DNAH5: variants seen among roughly 807,000 people sequenced by gnomAD.
DNAH5 encodes axonemal beta dynein heavy chain 5.
DNAH5 carries 372 observed loss-of-function variants against 518.2 expected under a neutral mutation model. The ratio of observed to expected loss-of-function variants is 0.72; its 90% CI spans 0.66 to 0.78. DNAH5 has a LOEUF of 0.78. DNAH5 is among the 30% of genes least tolerant of loss of function. The pLI is 0.00. For synonymous variants in DNAH5, 2,039 were observed against 2,025.9 expected, an observed-to-expected ratio of 1.01 and a Z score of -0.17; for missense variants, 5,523 against 5,687.0, an observed-to-expected ratio of 0.97 and a Z score of 0.93.
At chr5:13,701,240 A>G in intron 77 of DNAH5, 44 bp downstream of exon 77, 1 of 1,613,262 alleles carries the variant, frequency 6.2e-7, no homozygotes, top group Non-Finnish European at 8.5e-7. Flanking sequence ...AATCCTGTGG[A>G]GGAAAATTAT....
rs1355806912 is a variant in DNAH5, at chr5:13,823,269, A to G, written c.6681T>C (p.Ser2227=). The G allele has an allele frequency of 1.2e-6, 2 of 1,600,750 alleles. No homozygotes were observed. Among genetic ancestry groups the G allele is most frequent in the South Asian group, 1.1e-5 (1 of 90,796 alleles). Residue 2227 remains serine, a synonymous_variant, in exon 40 of 79, where the codon AGT becomes AGC. Coordinates refer to ENST00000265104, the MANE Select transcript of DNAH5 (RefSeq NM_001369.3). The part of the protein sequence containing the change: ...AGYPELEAAI[S]RQVEEAGLIN... ...GCCCTGTGAAGCATATTACCTGTCT[A>G]CTAATTGCTGCTTCCAGTTCAGGGT...
chr5:13,956,448 C>T (rs997949190), intron 1 of DNAH5, among the ~76,000 whole-genome samples: 1 of 152,030 alleles, frequency 6.6e-6, no homozygotes, highest in African/African-American at 2.4e-5. Flanking sequence ...TGTTTTTATC[C>T]CCTTGAAGGT....
rs1774422707 is a variant in DNAH5 at position 13,900,246 on chromosome 5, T to C, written c.2219A>G (p.Gln740Arg). 2 of 1,614,046 alleles carry C rather than the reference T, an allele frequency of 1.2e-6. No individual in the cohort carries two copies. The highest frequency in any genetic ancestry group is 1.3e-5 in the African/African-American group (1 of 74,932). Residue 740 changes from glutamine to arginine, a missense_variant, in exon 15 of 79, where the codon CAG (glutamine) becomes CGG (arginine). This residue lies in a region of DNAH5 where 5,121 missense variants were observed against 5,223.3 expected (regional missense o/e 0.98). Coordinates refer to ENST00000265104, the MANE Select transcript of DNAH5 (RefSeq NM_001369.3). ...EVSPLATSLF[Q>R]KRDRYKRNFS... is the part of the protein sequence containing the mutation. Reference sequence around the variant, plus strand: ...GTTCCTTTTGTATCTATCTCGTTTCTGGAAGAGGGAAGTTGCCAGTGGAGA... The same window carrying C: ...GTTCCTTTTGTATCTATCTCGTTTCCGGAAGAGGGAAGTTGCCAGTGGAGA...
intron 61 of DNAH5, among the ~76,000 whole-genome samples, chr5:13,755,563 T>G (rs1393270): frequency 0.11 from 17,205 of 152,230 alleles, 1,037 homozygotes; most frequent in East Asian, 0.23. Flanking sequence ...GAATTGCTTT[T>G]GTAATAATAA....
intron 38 of DNAH5, among the ~76,000 whole-genome samples, chr5:13,825,935 C>T (rs893987069): frequency 1.3e-5 from 2 of 152,134 alleles, no homozygotes; most frequent in African/African-American, 4.8e-5. Flanking sequence ...AGCAGTATGC[C>T]TCACTTAAGA....
chr5:13,762,697 A>C, intron 60 of DNAH5, 25 bp downstream of exon 60: 1 of 1,611,544 alleles, frequency 6.2e-7, no homozygotes, highest in East Asian at 2.2e-5. Flanking sequence ...AGCCACCTTC[A>C]CCCAGGTCTG....
chr5:13,863,764 A>AC (rs1047111352), intron 28 of DNAH5, among the ~76,000 whole-genome samples: 1 of 151,904 alleles, frequency 6.6e-6, no homozygotes, highest in Non-Finnish European at 1.5e-5. Context: ...CAAACGGTCA[A>AC]CCTAACCATG....
At chr5:13,755,253 G>A (rs746349595) in intron 61 of DNAH5, among the ~76,000 whole-genome samples, 3 of 152,100 alleles carry the variant, frequency 2.0e-5, no homozygotes, top group African/African-American at 4.8e-5. Flanking sequence ...ACAAGTCACT[G>A]GGTGTTCAAA....
Position 13,792,012 on chromosome 5 carries a change from C to A in DNAH5, c.8430G>T (p.Glu2810Asp). Reference protein sequence around the residue: ...VWQGMLNTTSEVIKEPNDLLK... With the variant: ...VWQGMLNTTSDVIKEPNDLLK... ...CACTTACATTTGGTTCCTTGATGAC[C>A]TCTGAAGTAGTGTTCAGCATTCCCT... Residue 2810 changes from glutamate to aspartate, a missense_variant, in exon 50 of 79, where the codon GAG becomes GAT. This residue lies in a region of DNAH5 where 5,121 missense variants were observed against 5,223.3 expected (regional missense o/e 0.98). Coordinates refer to ENST00000265104, the MANE Select transcript of DNAH5 (RefSeq NM_001369.3). 6.2e-7 allele frequency: 1 copy of A among 1,613,812 alleles called. No homozygotes were observed. Among genetic ancestry groups the A allele is most frequent in the South Asian group, 1.1e-5 (1 of 91,070 alleles).
chr5:13,763,071 A>T (rs1252183792), intron 59 of DNAH5, among the ~76,000 whole-genome samples, 170 bp from the exon 60 acceptor site: 2 of 152,266 alleles, frequency 1.3e-5, no homozygotes. Context: ...GTAAAAATAC[A>T]GTAAGAAATG....
At chr5:13,860,687 T>A (rs1039573637) in intron 29 of DNAH5, 2 of 152,200 alleles carry the variant, frequency 1.3e-5, no homozygotes, top group Non-Finnish European at 2.9e-5. Flanking sequence ...CTGAACCACC[T>A]ACATTAGGAA....
At position 13,914,105 on chromosome 5, in the gene DNAH5, G is replaced by T. The variant is rs374838895; in HGVS notation, c.1321-147C>A. 3.3e-3 allele frequency: 3,326 copies of T among 996,050 alleles called. 39 individuals carry two copies. Among genetic ancestry groups the T allele is most frequent in the South Asian group, 0.022 (1,345 of 60,432 alleles). The allele number at this position is 996,050 out of a possible 1,614,324, so 61.7% of individuals were successfully genotyped here. A position where few individuals can be genotyped will look rare whatever the true frequency, so the allele number is the denominator to read the frequency against. ...TTGCTTGTACTCACTCATCAGCCTG[G>T]AAAATCATCTTTTCACCTCCTCTAA... On this transcript the variant is annotated intron_variant, in intron 10 of 78. Transcript: ENST00000265104.
intron 35 of DNAH5, among the ~76,000 whole-genome samples, chr5:13,838,461 C>T (rs1185754539): frequency 6.6e-6 from 1 of 152,128 alleles, no homozygotes; most frequent in Non-Finnish European, 1.5e-5. Context: ...CTCATAGGAG[C>T]ACAACCTTTA....
intron 12 of DNAH5, among the ~76,000 whole-genome samples, chr5:13,908,739 T>C (rs1775648393): frequency 1.3e-5 from 2 of 152,190 alleles, no homozygotes; most frequent in African/African-American, 4.8e-5. Flanking sequence ...CTCTTTGACC[T>C]GTTAGTACCA....
intron 1 of DNAH5, among the ~76,000 whole-genome samples, chr5:14,008,150 C>A (rs1270381662): frequency 1.5e-5 from 2 of 137,072 alleles, no homozygotes; most frequent in Non-Finnish European, 3.0e-5. Context: ...CCAGCCTGGG[C>A]GATAGAGCGA....
At chr5:13,946,062 T>C (rs1406627666), upstream of DNAH5, among the ~76,000 whole-genome samples, 2 of 152,180 alleles carry the variant, frequency 1.3e-5, no homozygotes, top group Non-Finnish European at 2.9e-5. Flanking sequence ...CCTCCTCACA[T>C]GGCATCTCCT....
At chr5:13,976,212 G>A (rs963339103) in intron 1 of DNAH5, among the ~76,000 whole-genome samples, 60 of 152,138 alleles carry the variant, frequency 3.9e-4, no homozygotes, top group African/African-American at 1.4e-3. Context: ...TAAGCCATAT[G>A]GGCTTTTTAT....
At chr5:13,854,631 T>C (rs1767355911) in intron 30 of DNAH5, among the ~76,000 whole-genome samples, 1 of 152,130 alleles carries the variant, frequency 6.6e-6, no homozygotes, top group African/African-American at 2.4e-5. Flanking sequence ...CCATCTCACG[T>C]GCAAAGACAC....
Position 13,876,734 on chromosome 5 carries a change from T to A in DNAH5, c.3346A>T (p.Ile1116Phe). Residue 1116 changes from isoleucine (I) to phenylalanine (F), a missense_variant, in exon 22 of 79, where the codon ATT (isoleucine) becomes TTT (phenylalanine). Coordinates refer to ENST00000265104, the MANE Select transcript of DNAH5 (RefSeq NM_001369.3). The stretch of plus-strand genomic sequence containing the variant: ...CTAAGCACAGAAACTAATTTTACAA[T>A]CTCTTTGTTTTCAGAAACATTCTTA... ...YYKNVSENKE[I>F]VKLVSVLSTI... 1 of 1,613,950 alleles carries A rather than the reference T, an allele frequency of 6.2e-7. No homozygotes were observed. The highest frequency in any genetic ancestry group is 1.7e-5 in the Admixed American group (1 of 59,970).
Sources: allele counts gnomAD v4.1 joint callset (sites outside exome capture counted in the v4.1 genomes callset), GRCh38; gene constraint gnomAD v4.1.1; regional missense constraint gnomAD v4.1.1; transcripts MANE v1.5; gene names NCBI Gene and HGNC (gene_info 2026-07-23, HGNC 2026-07-21).